The following ITPKB variants were observed in gnomAD, a reference collection of about 807,000 sequenced individuals.
ITPKB encodes the protein inositol-trisphosphate 3-kinase B.
In ITPKB, 13 loss-of-function variants were observed where a neutral mutation model predicts 69.4. The ratio of observed to expected loss-of-function variants is 0.19; its 90% CI spans 0.12 to 0.30. The LOEUF (loss-of-function observed/expected upper bound fraction) is 0.30. ITPKB is among the 10% of genes least tolerant of loss of function. ITPKB has a pLI of 1.00. For synonymous variants in ITPKB, 584 were observed against 513.7 expected (o/e 1.14, Z -1.85); for missense variants, 1,240 against 1,250.5 (o/e 0.99, Z 0.13).
At chr1:226,711,463 G>GTT (rs1466563763) in intron 2 of ITPKB, among the ~76,000 whole-genome samples, 2 of 145,566 alleles carry the variant, frequency 1.4e-5, no homozygotes, top group Non-Finnish European at 3.1e-5. Flanking sequence ...GTGTGTGTGT[G>GTT]TGTGTTGTGT....
chr1:226,718,138 A>G (rs1558094977), intron 2 of ITPKB, among the ~76,000 whole-genome samples: 1 of 152,036 alleles, frequency 6.6e-6, no homozygotes, highest in Non-Finnish European at 1.5e-5. Flanking sequence ...TACTAAAAAT[A>G]CAAAAATTAG....
chr1:226,673,032 A>G (rs1669649210), intron 2 of ITPKB, among the ~76,000 whole-genome samples: 1 of 152,144 alleles, frequency 6.6e-6, no homozygotes, highest in African/African-American at 2.4e-5. Flanking sequence ...GACACTCTAA[A>G]ATGCACCGAG....
intron 2 of ITPKB, among the ~76,000 whole-genome samples, chr1:226,664,365 G>A (rs1669457861): frequency 6.6e-6 from 1 of 152,246 alleles, no homozygotes; most frequent in South Asian, 2.1e-4. Context: ...CTAGGCTCAG[G>A]AGGCAGGAGC....
At chr1:226,688,731 A>G (rs1253991111) in intron 2 of ITPKB, among the ~76,000 whole-genome samples, 2 of 152,192 alleles carry the variant, frequency 1.3e-5, no homozygotes, top group African/African-American at 4.8e-5. Context: ...GGAATCCACC[A>G]ACAATCTTTG....
intron 2 of ITPKB, among the ~76,000 whole-genome samples, chr1:226,703,411 C>G (rs1656715800): frequency 6.6e-6 from 1 of 152,244 alleles, no homozygotes. Flanking sequence ...GGCAGGGGCG[C>G]GGCGGGGGAT....
chr1:226,685,762 G>A (rs1355961626), intron 2 of ITPKB, among the ~76,000 whole-genome samples: 1 of 152,208 alleles, frequency 6.6e-6, no homozygotes, highest in Non-Finnish European at 1.5e-5. Context: ...TTATAAAATG[G>A]ACACATGAGT....
chr1:226,647,857 C>T lies in ITPKB; in HGVS notation c.2033-477G>A, dbSNP rs553165507. Among the ~76,000 whole-genome samples, 435 of 152,364 alleles carry T rather than the reference C, an allele frequency of 2.9e-3. 6 individuals carry two copies. Among genetic ancestry groups the T allele is most frequent in the African/African-American group, 9.8e-3 (408 of 41,582 alleles). ...TAAGGCTCAGCCCACCTGGGTGGCA[C>T]TTCTTCTGAGCCAGACCAAGTAAGT... is the stretch of plus-strand genomic sequence containing the variant. On this transcript the variant is annotated intron_variant, in intron 3 of 7. Transcript: ENST00000429204.
intron 2 of ITPKB, among the ~76,000 whole-genome samples, chr1:226,685,439 A>G (rs1050298524): frequency 1.3e-5 from 2 of 152,032 alleles, no homozygotes; most frequent in Non-Finnish European, 2.9e-5. Flanking sequence ...ACTTGGAATC[A>G]TCTTTCCCTC....
At chr1:226,676,153 T>C (rs1669727139) in intron 2 of ITPKB, 1 of 152,208 alleles carries the variant, frequency 6.6e-6, no homozygotes, top group Non-Finnish European at 1.5e-5. Flanking sequence ...CTGGCTGCTG[T>C]ATGATGCCTT....
At chr1:226,635,376 A>G (rs1293295392) in intron 7 of ITPKB, among the ~76,000 whole-genome samples, 1 of 152,098 alleles carries the variant, frequency 6.6e-6, no homozygotes, top group East Asian at 1.9e-4. Context: ...ATGCACCACG[A>G]TGCCCGGCTA....
chr1:226,655,733 C>T (rs1370048861), intron 2 of ITPKB, among the ~76,000 whole-genome samples: 2 of 152,238 alleles, frequency 1.3e-5, no homozygotes, highest in African/African-American at 4.8e-5. Context: ...CCCACATGCC[C>T]CCTGGGGTCT....
intron 2 of ITPKB, chr1:226,656,632 A>G (rs979933342): frequency 2.0e-5 from 3 of 152,202 alleles, no homozygotes; most frequent in African/African-American, 4.8e-5. Context: ...AGCAACATAC[A>G]TACTCCTCTC....
Position 226,642,144 on chromosome 1 carries a change from G to T in ITPKB, c.2247-19C>A. ...GTAGGTCCTACGTGGGAGGGAAGGC[G>T]ACATGAGGGCCGAGGCCTGGGGCAG... On this transcript the variant is annotated intron_variant, in intron 4 of 7. Coordinates refer to ENST00000429204, the MANE Select transcript of ITPKB (RefSeq NM_002221.4). The surrounding 1 kb of genome is among the most constrained non-coding windows in gnomAD (Gnocchi z 6.4). 1 of 1,603,802 alleles carries T rather than the reference G, an allele frequency of 6.2e-7. No homozygotes were observed.
chr1:226,644,902 C>T (rs1386453004), intron 4 of ITPKB, among the ~76,000 whole-genome samples: 1 of 152,228 alleles, frequency 6.6e-6, no homozygotes, highest in East Asian at 1.9e-4. Flanking sequence ...AGGCACAGTC[C>T]ATGGCCCAAA....
intron 2 of ITPKB, chr1:226,707,983 C>A: frequency 3.0e-6 from 3 of 1,011,896 alleles, no homozygotes; most frequent in African/African-American, 1.7e-5. Flanking sequence ...ATAACTGCAA[C>A]AAAATATGGA....
intron 2 of ITPKB, among the ~76,000 whole-genome samples, chr1:226,650,908 A>G (rs1324635559): frequency 6.6e-6 from 1 of 152,198 alleles, no homozygotes; most frequent in Non-Finnish European, 1.5e-5. Context: ...AGGGCCCTGG[A>G]AAGTGACCTT....
At chr1:226,682,378 C>T (rs1656113087) in intron 2 of ITPKB, among the ~76,000 whole-genome samples, 4 of 152,208 alleles carry the variant, frequency 2.6e-5, no homozygotes, top group Non-Finnish European at 5.9e-5. Flanking sequence ...GAAGGGACTT[C>T]TGTGTACTGG....
intron 5 of ITPKB, among the ~76,000 whole-genome samples, chr1:226,640,655 A>G (rs1384861295): frequency 6.6e-6 from 1 of 152,124 alleles, no homozygotes; most frequent in African/African-American, 2.4e-5. Context: ...AGGTGAAGGG[A>G]AAGTGGATTG....
intron 2 of ITPKB, among the ~76,000 whole-genome samples, chr1:226,702,008 T>C (rs1427434608): frequency 6.6e-6 from 1 of 152,076 alleles, no homozygotes; most frequent in East Asian, 1.9e-4. Flanking sequence ...AGGCAGGAAA[T>C]GCTTGCCTAA....
Sources: allele counts gnomAD v4.1 joint callset (sites outside exome capture counted in the v4.1 genomes callset), GRCh38; gene constraint gnomAD v4.1.1; non-coding constraint Gnocchi (gnomAD v3.1); transcripts MANE v1.5; gene names NCBI Gene and HGNC (gene_info 2026-07-23, HGNC 2026-07-21).